C6: variants seen among roughly 807,000 people sequenced by gnomAD.
C6 encodes complement component C6.
C6 carries 101 observed loss-of-function variants against 112.9 expected under a neutral mutation model. That is an observed-to-expected ratio of 0.89 (90% CI 0.76 to 1.06). The LOEUF (loss-of-function observed/expected upper bound fraction) is 1.06. C6 is among the 50% of genes least tolerant of loss of function. The pLI, the probability that C6 is intolerant of heterozygous loss-of-function variation, is 0.00. For missense variants in C6, 1,202 were observed against 1,104.6 expected (o/e 1.09, Z -1.25); for synonymous variants, 431 against 384.1 (o/e 1.12, Z -1.43).
chr5:41,200,711 G>T (rs923116305), intron 3 of C6, among the ~76,000 whole-genome samples: 1 of 152,066 alleles, frequency 6.6e-6, no homozygotes, highest in South Asian at 2.1e-4. Context: ...TGCCCTTACA[G>T]GAATGAGTTT....
intron 7 of C6, among the ~76,000 whole-genome samples, chr5:41,179,703 T>C (rs1580125595): frequency 6.7e-6 from 1 of 148,304 alleles, no homozygotes; most frequent in Non-Finnish European, 1.5e-5. Context: ...AAATTATATA[T>C]AGTTATATAT....
At chr5:41,167,198 T>C (rs1241228291) in intron 9 of C6, among the ~76,000 whole-genome samples, 1 of 152,112 alleles carries the variant, frequency 6.6e-6, no homozygotes, top group Non-Finnish European at 1.5e-5. Context: ...AGTATACTTT[T>C]ATAAATCTAG....
chr5:41,216,433 C>T (rs938199915), upstream of C6, among the ~76,000 whole-genome samples: 2 of 152,048 alleles, frequency 1.3e-5, no homozygotes, highest in African/African-American at 2.4e-5. Context: ...GGATTTTATC[C>T]TCACCCCTTT....
chr5:41,159,097 GAA>G lies in C6; in HGVS notation c.1839_1840del (p.Ser614AsnfsTer12), dbSNP rs752015265. 6.2e-7 allele frequency: 1 copy of G among 1,613,670 alleles called. No homozygotes were observed. The highest frequency in any genetic ancestry group is 8.5e-7 in the Non-Finnish European group (1 of 1,179,708). On this transcript the variant is annotated frameshift_variant, in exon 12 of 18. Transcript: ENST00000337836. LOFTEE classifies it high-confidence loss of function. ...CCGGCCTTACTTGTTTTCCATGATTGAAAATGTGCAGTCTTCCTCTTGTCGCT... is the reference window on the plus strand; with the variant it reads ...CCGGCCTTACTTGTTTTCCATGATTGAATGTGCAGTCTTCCTCTTGTCGCT...
intron 8 of C6, among the ~76,000 whole-genome samples, chr5:41,174,453 C>T (rs1039341841): frequency 1.5e-4 from 23 of 152,090 alleles, no homozygotes; most frequent in African/African-American, 5.1e-4. Flanking sequence ...AATTTTTAAC[C>T]TCCAATTCAG....
chr5:41,168,663 G>A (rs1345813010), intron 9 of C6, among the ~76,000 whole-genome samples: 1 of 152,114 alleles, frequency 6.6e-6, no homozygotes, highest in Non-Finnish European at 1.5e-5. Context: ...TTAATGTGAA[G>A]AAGATTGCAT....
intron 3 of C6, among the ~76,000 whole-genome samples, chr5:41,200,763 A>AG (rs1177792245): frequency 6.6e-6 from 1 of 152,056 alleles, no homozygotes; most frequent in Non-Finnish European, 1.5e-5. Flanking sequence ...AAACAAATTG[A>AG]GGGACTGCTG....
intron 7 of C6, among the ~76,000 whole-genome samples, chr5:41,177,631 T>C (rs1183244718): frequency 6.6e-6 from 1 of 152,176 alleles, no homozygotes; most frequent in Non-Finnish European, 1.5e-5. Flanking sequence ...CTCTTTGCTA[T>C]AAGTATGGCA....
rs1201501643 is a variant in C6, at chr5:41,186,134, A to G, written c.662T>C (p.Val221Ala). The change falls in exon 6 of 18, where the codon GTC (valine) becomes GCC (alanine). Residue 221 changes from valine (V) to alanine (A), a missense_variant. Coordinates refer to ENST00000337836, the MANE Select transcript of C6 (RefSeq NM_000065.5). ...NSFTGGICKT[V>A]KSSRTSNPYR... ...TGGATTACTTGTCCTACTGCTTTTG[A>G]CAGTTTTACATATTCCTCCAGTGAA... The G allele has an allele frequency of 1.9e-6, 3 of 1,613,976 alleles. No homozygotes were observed. The highest frequency in any genetic ancestry group is 2.5e-6 in the Non-Finnish European group (3 of 1,179,942).
rs555113237 is a variant in C6 at position 41,148,799 on chromosome 5, G to A, written c.2623+442C>T. 4.6e-5 allele frequency among the ~76,000 whole-genome samples: 7 copies of A among 152,256 alleles called. No homozygotes were observed. The South Asian group carries it at 1.4e-3, about 32-fold the overall frequency. The stretch of plus-strand genomic sequence containing the variant: ...CCTTGGCTAGACTAAGGCACTGAAA[G>A]AAGACTGAAAGAAATTTCAGGAAGA... On this transcript the variant is annotated intron_variant, in intron 17 of 17. Coordinates refer to ENST00000337836, the MANE Select transcript of C6 (RefSeq NM_000065.5).
At chr5:41,233,653 T>C (rs2150415714) in intron 1 of C6, among the ~76,000 whole-genome samples, 1 of 151,866 alleles carries the variant, frequency 6.6e-6, no homozygotes, top group South Asian at 2.1e-4. Context: ...TAATAAGCAC[T>C]GAGTTGCTCC....
chr5:41,228,560 T>C (rs906664655), intron 1 of C6, among the ~76,000 whole-genome samples: 3 of 152,212 alleles, frequency 2.0e-5, no homozygotes, highest in African/African-American at 7.2e-5. Flanking sequence ...TTTCAATCTT[T>C]CACTGTTGAG....
rs560063338 is a variant in C6, at chr5:41,183,340, T to C, written c.727-1781A>G. ...CCTGTGAGATAATATATTTGATATT[T>C]AATAATGGCTGTGTTTTGACCAACA... On this transcript the variant is annotated intron_variant, in intron 6 of 17. Coordinates refer to ENST00000337836, the MANE Select transcript of C6 (RefSeq NM_000065.5). Among the ~76,000 whole-genome samples the C allele has an allele frequency of 2.6e-5, 4 of 152,280 alleles. No individual in the cohort carries two copies. In the South Asian group the frequency reaches 6.2e-4, roughly 24 times the overall value.
chr5:41,228,888 A>G (rs1739696921), intron 1 of C6, among the ~76,000 whole-genome samples: 1 of 152,108 alleles, frequency 6.6e-6, no homozygotes, highest in South Asian at 2.1e-4. Flanking sequence ...TTTTGCACCT[A>G]TGTTCCACAG....
chr5:41,207,165 C>G (rs1451437993), intron 1 of C6, among the ~76,000 whole-genome samples: 2 of 152,124 alleles, frequency 1.3e-5, no homozygotes, highest in South Asian at 2.1e-4. Context: ...ACTTTACAGA[C>G]AAGGAAATGC....
intron 1 of C6, among the ~76,000 whole-genome samples, chr5:41,230,700 C>A (rs1739842031): frequency 6.6e-6 from 1 of 152,092 alleles, no homozygotes; most frequent in African/African-American, 2.4e-5. Flanking sequence ...TGTTCGTACA[C>A]CCCCTCCCCT....
At chr5:41,223,366 G>A (rs183576326) in intron 1 of C6, among the ~76,000 whole-genome samples, 18 of 152,302 alleles carry the variant, frequency 1.2e-4, no homozygotes, top group Admixed American at 6.5e-4. Flanking sequence ...AGTAATTTAA[G>A]AGAAAACCAA....
At chr5:41,148,258 T>C (rs1314415221) in intron 17 of C6, among the ~76,000 whole-genome samples, 3 of 152,158 alleles carry the variant, frequency 2.0e-5, no homozygotes, top group African/African-American at 7.2e-5. Flanking sequence ...TATAGACTTT[T>C]GCAGACATTG....
chr5:41,154,439 A>C (rs2150246188), intron 14 of C6, among the ~76,000 whole-genome samples: 1 of 152,318 alleles, frequency 6.6e-6, no homozygotes, highest in East Asian at 1.9e-4. Flanking sequence ...TTCAAGCCTT[A>C]TTTGAATCTT....
Sources: allele counts gnomAD v4.1 joint callset (sites outside exome capture counted in the v4.1 genomes callset), GRCh38; gene constraint gnomAD v4.1.1; transcripts MANE v1.5; gene names NCBI Gene and HGNC (gene_info 2026-07-23, HGNC 2026-07-21).